Variants in PLA2G3 observed in about 807,000 individuals in gnomAD.
PLA2G3 encodes the protein phospholipase A2 group III.
Under a neutral mutation model 51.3 loss-of-function variants are expected in PLA2G3, and 39 were observed. The ratio of observed to expected loss-of-function variants is 0.76; its 90% CI spans 0.59 to 0.99. The LOEUF is 0.99. Ranked by LOEUF, PLA2G3 falls within the 50% of genes least tolerant of loss-of-function variation. The pLI, the probability that PLA2G3 is intolerant of heterozygous loss-of-function variation, is 0.00. For missense variants in PLA2G3, 677 were observed against 662.1 expected (o/e 1.02, Z -0.25); for synonymous variants, 293 against 263.1 (o/e 1.11, Z -1.10).
chr22:31,139,873 A>C lies in PLA2G3; in HGVS notation c.482T>G (p.Val161Gly). 1 of 1,611,796 alleles carries C rather than the reference A, an allele frequency of 6.2e-7. No homozygotes were observed. Among genetic ancestry groups the C allele is most frequent in the Non-Finnish European group, 8.5e-7 (1 of 1,179,280 alleles). Residue 161 changes from valine (V) to glycine (G), a missense_variant, in exon 1 of 7, where the codon GTT becomes GGT. Physicochemically the swap from Val to Gly is moderately radical, Grantham distance 109. Transcript: ENST00000215885. ...CGAGGAGTTCCCAGCAGAATCTCCA[A>C]CTCCACACCACAGTGTGCCAGGCAT... ...WTMPGTLWCG[V>G]GDSAGNSSEL...
In PLA2G3 at chr22:31,135,012, T is replaced by C. The variant is rs1035928195; in HGVS notation, c.*711A>G. On this transcript the variant is annotated 3_prime_UTR_variant, in exon 7 of 7. Coordinates refer to ENST00000215885, the MANE Select transcript of PLA2G3 (RefSeq NM_015715.5). ...AAGCACTGTATATGTATTGGTTCAC[T>C]TAATCCTCAACAACCCTATGAGGTA... is the stretch of plus-strand genomic sequence containing the variant. 1 of 152,856 alleles carries C rather than the reference T, an allele frequency of 6.5e-6. No homozygotes were observed. Among genetic ancestry groups the C allele is most frequent in the African/African-American group, 2.4e-5 (1 of 41,456 alleles). The allele number at this position is 152,856 out of a possible 1,614,324, so 9.5% of individuals were successfully genotyped here. A position where few individuals can be genotyped will look rare whatever the true frequency, so the allele number is the denominator to read the frequency against.
rs775466929 is a variant in PLA2G3, at chr22:31,139,863, A to G, written c.492T>C (p.Ser164=). Residue 164 remains serine (S), a synonymous_variant, in exon 1 of 7, where the codon TCT becomes TCC. Transcript: ENST00000215885. The stretch of plus-strand genomic sequence containing the variant: ...CACCCAGCTCCGAGGAGTTCCCAGC[A>G]GAATCTCCAACTCCACACCACAGTG... ...PGTLWCGVGD[S]AGNSSELGVF... 1.2e-6 allele frequency: 2 copies of G among 1,613,352 alleles called. No individual in the cohort carries two copies. Among genetic ancestry groups the G allele is most frequent in the South Asian group, 2.2e-5 (2 of 91,014 alleles).
intron 3 of PLA2G3, 133 bp downstream of exon 3, chr22:31,138,143 G>T: frequency 7.5e-7 from 1 of 1,336,838 alleles, no homozygotes; most frequent in East Asian, 2.5e-5. Context: ...TGCATCCCGG[G>T]CCCTCAGGAG....
Position 31,135,944 on chromosome 22 carries a change from G to C in PLA2G3, c.1317-8C>G. ...CTAGGGTCTCTGGAACAGCTGTAAGGAGAGAAGAGTGGGGCAGATGATCAG... is the reference window on the plus strand; with the variant it reads ...CTAGGGTCTCTGGAACAGCTGTAAGCAGAGAAGAGTGGGGCAGATGATCAG... On this transcript the variant is annotated splice_polypyrimidine_tract_variant and splice_region_variant and intron_variant, in intron 6 of 6. Transcript: ENST00000215885. 1 of 1,610,028 alleles carries C rather than the reference G, an allele frequency of 6.2e-7. No homozygotes were observed. The highest frequency in any genetic ancestry group is 8.5e-7 in the Non-Finnish European group (1 of 1,177,474).
At chr22:31,139,753 C>T (rs1022002376) in intron 1 of PLA2G3, 88 bp downstream of exon 1, 4 of 868,302 alleles carry the variant, frequency 4.6e-6, no homozygotes, top group African/African-American at 3.4e-5. Flanking sequence ...CCCCCAGGGA[C>T]ACACAGCCTA....
rs573436695 is a variant in PLA2G3 at position 31,140,148 on chromosome 22, C to CT, written c.206dup (p.Ser70ValfsTer3). 4.7e-3 allele frequency: 7,645 copies of CT among 1,612,704 alleles called. 25 individuals are homozygous for CT. The highest frequency in any genetic ancestry group is 5.1e-3 in the Non-Finnish European group (6,029 of 1,179,964). On this transcript the variant is annotated frameshift_variant, in exon 1 of 7. Transcript: ENST00000215885. LOFTEE classifies it high-confidence loss of function. ...CCGGCTCATCCTCCCAGCTACATGA[C>CT]TGCAGCCTCCTATGCGCATCCCAGC...
At position 31,140,303 on chromosome 22, in the gene PLA2G3, G is replaced by T; in HGVS notation, c.52C>A (p.Leu18Met). Residue 18 changes from leucine to methionine, a missense_variant, in exon 1 of 7, where the codon CTG (leucine) becomes ATG (methionine). By Grantham distance (15) the Leu-to-Met change is conservative (BLOSUM62 2). Coordinates refer to ENST00000215885, the MANE Select transcript of PLA2G3 (RefSeq NM_015715.5). The part of the protein sequence containing the change: ...FGMLGFLGVA[L>M]GGSPALRWYR... Reference sequence around the variant, plus strand: ...CAGCGGAGGGCAGGGGAGCCCCCCAGGGCCACCCCCAGGAAGCCCAGCATC... The same window carrying T: ...CAGCGGAGGGCAGGGGAGCCCCCCATGGCCACCCCCAGGAAGCCCAGCATC... 6.2e-7 allele frequency: 1 copy of T among 1,610,828 alleles called. No individual in the cohort carries two copies. Among genetic ancestry groups the T allele is most frequent in the Non-Finnish European group, 8.5e-7 (1 of 1,179,666 alleles).
chr22:31,138,819 G>C lies in PLA2G3; in HGVS notation c.515-20C>G. The C allele has an allele frequency of 6.2e-7, 1 of 1,613,596 alleles. No homozygotes were observed. Among genetic ancestry groups the C allele is most frequent in the Non-Finnish European group, 8.5e-7 (1 of 1,179,804 alleles). On this transcript the variant is annotated intron_variant, in intron 1 of 6. Coordinates refer to ENST00000215885, the MANE Select transcript of PLA2G3 (RefSeq NM_015715.5). ...AGACCCCTGCAGGGAGGGGAGGGGA[G>C]AGGGCACCAACTCAGCAGGGTCCTA...
In PLA2G3 at chr22:31,137,035, G is replaced by A. The variant is rs780925034; in HGVS notation, c.1072C>T (p.Arg358Cys). Residue 358 changes from arginine to cysteine, a missense_variant, in exon 5 of 7, where the codon CGC becomes TGC. Physicochemically the swap from Arg to Cys is radical, Grantham distance 180. Transcript: ENST00000215885. ...PQGGLKPQGA[R>C]WVCRSFRRHL... ...CGGCGGAAGCTGCGGCAGACCCAGC[G>A]GGCACCTGAGGGGTGGATGTGGTGT... 6 of 1,535,732 alleles carry A rather than the reference G, an allele frequency of 3.9e-6. No individual in the cohort carries two copies. The highest frequency in any genetic ancestry group is 3.6e-5 in the South Asian group (3 of 82,978).
rs753485336 is a variant in PLA2G3, at chr22:31,135,686, A to G, written c.*37T>C. ...CCAAGGCTTGGCATAGCCATGGGCA[A>G]GGTCCAGGCTGGTGCCCAGGAAAGC... On this transcript the variant is annotated 3_prime_UTR_variant, in exon 7 of 7. Coordinates refer to ENST00000215885, the MANE Select transcript of PLA2G3 (RefSeq NM_015715.5). 58 of 1,512,084 alleles carry G rather than the reference A, an allele frequency of 3.8e-5. No individual in the cohort carries two copies. The highest frequency in any genetic ancestry group is 4.9e-5 in the Non-Finnish European group (53 of 1,090,368). The allele number at this position is 1,512,084 out of a possible 1,614,324, so 93.7% of individuals were successfully genotyped here.
At chr22:31,138,459 G>A (rs1257218496) in intron 2 of PLA2G3, 49 bp from the exon 3 acceptor site, 3 of 1,601,228 alleles carry the variant, frequency 1.9e-6, no homozygotes, top group East Asian at 2.2e-5. Context: ...GGGCTGTCTG[G>A]CTCCTCCCAC....
chr22:31,138,669 G>T lies in PLA2G3; in HGVS notation c.645C>A (p.Thr215=). 1 of 1,614,086 alleles carries T rather than the reference G, an allele frequency of 6.2e-7. No homozygotes were observed. Among genetic ancestry groups the T allele is most frequent in the Non-Finnish European group, 8.5e-7 (1 of 1,179,982 alleles). Residue 215 remains threonine, a splice_region_variant and synonymous_variant, in exon 2 of 7, where the codon ACC becomes ACA. Coordinates refer to ENST00000215885, the MANE Select transcript of PLA2G3 (RefSeq NM_015715.5). ...FHTISHCDCD[T]RFQQCLQNQH... The stretch of plus-strand genomic sequence containing the variant: ...GGCCCTCGCTGCCTGCCACCAACCT[G>T]GTGTCACAGTCACAGTGGGAGATGG...
At position 31,140,094 on chromosome 22, in the gene PLA2G3, A is replaced by G. The variant is rs746451669; in HGVS notation, c.261T>C (p.Cys87=). Residue 87 remains cysteine, a synonymous_variant, in exon 1 of 7, where the codon TGT becomes TGC. Transcript: ENST00000215885. ...PELTAAYGAL[C]AHETAWGSFI... ...AGGAGCCCCAGGCAGTCTCATGAGC[A>G]CAGAGAGCACCGTAGGCTGCGGTGA... The G allele has an allele frequency of 6.8e-6, 11 of 1,613,354 alleles. No homozygotes were observed. The highest frequency in any genetic ancestry group is 2.2e-5 in the East Asian group (1 of 44,866).
chr22:31,138,670 G>C lies in PLA2G3; in HGVS notation c.644C>G (p.Thr215Ser). The C allele has an allele frequency of 1.2e-6, 2 of 1,614,102 alleles. No individual in the cohort carries two copies. The highest frequency in any genetic ancestry group is 1.7e-6 in the Non-Finnish European group (2 of 1,179,998). ...FHTISHCDCD[T>S]RFQQCLQNQH... is the part of the protein sequence containing the mutation. ...GCCCTCGCTGCCTGCCACCAACCTG[G>C]TGTCACAGTCACAGTGGGAGATGGT... Residue 215 changes from threonine (T) to serine (S), a missense_variant, in exon 2 of 7, where the codon ACC (threonine) becomes AGC (serine). By Grantham distance (58) the Thr-to-Ser change is moderately conservative. Coordinates refer to ENST00000215885, the MANE Select transcript of PLA2G3 (RefSeq NM_015715.5).
chr22:31,135,622 C>T lies in PLA2G3; in HGVS notation c.*101G>A, dbSNP rs35239241. 2.3e-3 allele frequency: 1,971 copies of T among 854,518 alleles called. 32 individuals carry two copies. The African/African-American group carries it at 0.03, about 13-fold the overall frequency. 52.9% of individuals were successfully genotyped at this position (854,518 alleles called of 1,614,324 possible). On this transcript the variant is annotated 3_prime_UTR_variant, in exon 7 of 7. Coordinates refer to ENST00000215885, the MANE Select transcript of PLA2G3 (RefSeq NM_015715.5). Reference sequence around the variant, plus strand: ...CTTGATTGTCCACAACAGCCTCTGCCATGCTTCAGTCTAACCTACGGAGGG... The same window carrying T: ...CTTGATTGTCCACAACAGCCTCTGCTATGCTTCAGTCTAACCTACGGAGGG...
rs760880364 is a variant in PLA2G3 at position 31,136,979 on chromosome 22, C to T, written c.1128G>A (p.Gly376=). Residue 376 remains glycine, a synonymous_variant, in exon 5 of 7, where the codon GGG becomes GGA. Coordinates refer to ENST00000215885, the MANE Select transcript of PLA2G3 (RefSeq NM_015715.5). ...RHLDQCEHQI[G]PREIEFQLLN... is the part of the protein sequence containing the mutation. ...GCAGCTGGAACTCGATTTCCCGGGG[C>T]CCAATCTGGTGCTCACACTGGTCCA... The T allele has an allele frequency of 1.1e-5, 17 of 1,573,446 alleles. No individual in the cohort carries two copies. In the African/African-American group the frequency reaches 1.9e-4, roughly 18 times the overall value.
At position 31,138,527 on chromosome 22, in the gene PLA2G3, G is replaced by T. The variant is rs946949547; in HGVS notation, c.648-117C>A. ...GGGGTCCAAGCATCCCTTCTTTCTG[G>T]CCTCAGCTTTCCTACCTGCACTGTG... On this transcript the variant is annotated intron_variant, in intron 2 of 6. Transcript: ENST00000215885. The T allele has an allele frequency of 7.3e-6, 11 of 1,502,354 alleles. No individual in the cohort carries two copies. The African/African-American group carries it at 1.4e-4, about 19-fold the overall frequency. 93.1% of individuals were successfully genotyped at this position (1,502,354 alleles called of 1,614,324 possible). A position where few individuals can be genotyped will look rare whatever the true frequency, so the allele number is the denominator to read the frequency against.
chr22:31,138,375 ATGGAGTCG>A lies in PLA2G3; in HGVS notation c.675_682del (p.Asp226LeufsTer35), dbSNP rs1178365181. 6.2e-7 allele frequency: 1 copy of A among 1,613,812 alleles called. No individual in the cohort carries two copies. The highest frequency in any genetic ancestry group is 1.3e-5 in the African/African-American group (1 of 74,912). On this transcript the variant is annotated frameshift_variant, in exon 3 of 7. Transcript: ENST00000215885. LOFTEE classifies it high-confidence loss of function. ...GAAGGCCACGCCCACGATGTCCGAG[ATGGAGTCG>A]TGCTGATTCTGTAGGCATTGCTGAA... is the stretch of plus-strand genomic sequence containing the variant.
Position 31,137,964 on chromosome 22 carries a change from G to C in PLA2G3, c.812C>G (p.Ala271Gly). 2 of 1,591,836 alleles carry C rather than the reference G, an allele frequency of 1.3e-6. No homozygotes were observed. Among genetic ancestry groups the C allele is most frequent in the Non-Finnish European group, 8.5e-7 (1 of 1,170,318 alleles). The change falls in exon 4 of 7, where the codon GCT becomes GGT. Residue 271 changes from alanine to glycine, a missense_variant. By Grantham distance (60) the Ala-to-Gly change is moderately conservative (BLOSUM62 0). Coordinates refer to ENST00000215885, the MANE Select transcript of PLA2G3 (RefSeq NM_015715.5). ...GTAGAAGGTCCTGGGCTGCAGGCGA[G>C]CGAGGGGCACTGTGCCGTACATCCT... is the stretch of plus-strand genomic sequence containing the variant. ...GCRMYGTVPL[A>G]RLQPRTFYNA...
Sources: gnomAD v4.1 joint callset for allele counts on GRCh38, gnomAD v4.1.1 for gene constraint, MANE v1.5 for transcripts, NCBI Gene and HGNC (gene_info 2026-07-23, HGNC 2026-07-21) for gene names.